UBE2Q1: variants seen among roughly 807,000 people sequenced by gnomAD.
UBE2Q1 encodes ubiquitin conjugating enzyme E2 Q1.
In UBE2Q1, 6 loss-of-function variants were observed where a neutral mutation model predicts 60.1. That is an observed-to-expected ratio of 0.10 (90% CI 0.05 to 0.20). UBE2Q1 has a LOEUF of 0.20. UBE2Q1 is among the 10% of genes least tolerant of loss of function. The pLI, the probability that UBE2Q1 is intolerant of heterozygous loss-of-function variation, is 1.00. For missense variants in UBE2Q1, 262 were observed against 525.8 expected, an observed-to-expected ratio of 0.50 and a Z score of 4.91; for synonymous variants, 226 against 208.3, an observed-to-expected ratio of 1.09 and a Z score of -0.73.
chr1:154,551,455 A>G lies in UBE2Q1; in HGVS notation c.1112T>C (p.Met371Thr). 1 of 1,614,180 alleles carries G rather than the reference A, an allele frequency of 6.2e-7. No individual in the cohort carries two copies. Among genetic ancestry groups the G allele is most frequent in the Non-Finnish European group, 8.5e-7 (1 of 1,180,012 alleles). ...SSAYSIESVI[M>T]QISATLVKGK... ...CTTCACCAGTGTGGCACTGATCTGC[A>G]TGATCACTGACTCTATGGAGTAGGC... is the stretch of plus-strand genomic sequence containing the variant. Residue 371 changes from methionine to threonine, a missense_variant, in exon 11 of 13, where the codon ATG becomes ACG. This residue lies in a region of UBE2Q1 where 22 missense variants were observed against 121.5 expected (regional missense o/e 0.18). Coordinates refer to ENST00000292211, the MANE Select transcript of UBE2Q1 (RefSeq NM_017582.7).
intron 4 of UBE2Q1, 50 bp from the exon 5 acceptor site, chr1:154,553,222 C>T (rs773949603): frequency 3.3e-5 from 53 of 1,586,192 alleles, no homozygotes; most frequent in Non-Finnish European, 4.4e-5. Flanking sequence ...AAAACCGACA[C>T]AGGTTAGAGA....
Position 154,558,510 on chromosome 1 carries a change from C to T in UBE2Q1, c.44G>A (p.Gly15Glu). The T allele has an allele frequency of 8.6e-7, 1 of 1,156,340 alleles. No individual in the cohort carries two copies. Among genetic ancestry groups the T allele is most frequent in the East Asian group, 4.4e-5 (1 of 22,580 alleles). 71.6% of individuals were successfully genotyped at this position (1,156,340 alleles called of 1,614,324 possible). ...QPQGQQQPGP[G>E]QQLGGQGAAP... ...CGCCCCCTGGCCCCCCAGCTGCTGC[C>T]CCGGCCCCGGCTGCTGCTGCCCCTG... Residue 15 changes from glycine (G) to glutamate (E), a missense_variant, in exon 1 of 13, where the codon GGG becomes GAG. By Grantham distance (98) the Gly-to-Glu change is moderately conservative (BLOSUM62 -2). This residue lies in a region of UBE2Q1 where 70 missense variants were observed against 56.7 expected (regional missense o/e 1.24). Transcript: ENST00000292211.
intron 11 of UBE2Q1, 102 bp downstream of exon 11, chr1:154,551,295 C>T (rs1233853920): frequency 1.6e-6 from 2 of 1,251,048 alleles, no homozygotes; most frequent in African/African-American, 2.9e-5. Flanking sequence ...AGCCCGGGGG[C>T]CTTATGCTCA....
rs372729486 is a variant in UBE2Q1, at chr1:154,558,276, G to T, written c.278C>A (p.Pro93Gln). 154 of 1,576,806 alleles carry T rather than the reference G, an allele frequency of 9.8e-5. No individual in the cohort carries two copies. The South Asian group carries it at 9.8e-4, about 10-fold the overall frequency. Residue 93 changes from proline (P) to glutamine (Q), a missense_variant, in exon 1 of 13, where the codon CCA (proline) becomes CAA (glutamine). This residue lies in a region of UBE2Q1 where 49 missense variants were observed against 32.5 expected (regional missense o/e 1.51). Coordinates refer to ENST00000292211, the MANE Select transcript of UBE2Q1 (RefSeq NM_017582.7). ...AGAAPGPHLP[P>Q]RGSVPGDPVR... ...AGGATCCCCAGGCACCGACCCCCGT[G>T]GGGGGAGATGCGGTCCGGGCGCGGC... is the stretch of plus-strand genomic sequence containing the variant.
chr1:154,555,843 C>T lies in UBE2Q1; in HGVS notation c.432+17G>A. ...CTCATAAGAACAAAATGTACCCCTACCCTGTGGCCCCCTCACCAGAGTATT... is the reference window on the plus strand; with the variant it reads ...CTCATAAGAACAAAATGTACCCCTATCCTGTGGCCCCCTCACCAGAGTATT... On this transcript the variant is annotated intron_variant, in intron 2 of 12. Transcript: ENST00000292211. 4 of 1,610,362 alleles carry T rather than the reference C, an allele frequency of 2.5e-6. No homozygotes were observed. Among genetic ancestry groups the T allele is most frequent in the African/African-American group, 1.3e-5 (1 of 74,938 alleles).
chr1:154,550,985 C>G lies in UBE2Q1; in HGVS notation c.1190G>C (p.Arg397Thr). 6.2e-7 allele frequency: 1 copy of G among 1,614,048 alleles called. No individual in the cohort carries two copies. Among genetic ancestry groups the G allele is most frequent in the Non-Finnish European group, 8.5e-7 (1 of 1,179,994 alleles). ...GANKSQYSLTRAQQSYKSLVQ... is the reference protein window; with the variant it reads ...GANKSQYSLTTAQQSYKSLVQ... ...CAAGGACTTGTAGGACTGCTGTGCT[C>G]TTGTCAGACTGTATTGAGACTGGGG... The change falls in exon 12 of 13, where the codon AGA becomes ACA. Residue 397 changes from arginine (R) to threonine (T), a missense_variant. This residue lies in a region of UBE2Q1 where 22 missense variants were observed against 121.5 expected (regional missense o/e 0.18). Transcript: ENST00000292211.
In UBE2Q1 at chr1:154,558,543, GGCTGCT is replaced by G; in HGVS notation, c.5_10del (p.Gln2_Gln3del). 1 of 1,078,858 alleles carries G rather than the reference GGCTGCT, an allele frequency of 9.3e-7. No homozygotes were observed. Among genetic ancestry groups the G allele is most frequent in the Non-Finnish European group, 1.1e-6 (1 of 898,978 alleles). The allele number at this position is 1,078,858 out of a possible 1,614,324, so 66.8% of individuals were successfully genotyped here. ...CGGCTGCTGCTGCCCCTGCGGCTGC[GGCTGCT>G]GCATCCTCCGCTCCGCTCCGCTCCG... is the stretch of plus-strand genomic sequence containing the variant. On this transcript the variant is annotated inframe_deletion, in exon 1 of 13. Transcript: ENST00000292211.
chr1:154,551,522 G>GT, intron 10 of UBE2Q1, 30 bp from the exon 11 acceptor site: 1 of 1,606,886 alleles, frequency 6.2e-7, no homozygotes, highest in Non-Finnish European at 8.5e-7. Context: ...AGGCAAGCAG[G>GT]TCCAGATGGA....
intron 4 of UBE2Q1, 146 bp downstream of exon 4, chr1:154,554,589 C>T: frequency 1.2e-6 from 1 of 846,476 alleles, no homozygotes; most frequent in Non-Finnish European, 1.8e-6. Flanking sequence ...CTCTACTACA[C>T]TGGCTATTCC....
rs878962633 is a variant in UBE2Q1, at chr1:154,551,666, A to G, written c.1074+105T>C. 1.0e-5 allele frequency: 16 copies of G among 1,533,990 alleles called. No homozygotes were observed. In the South Asian group the frequency reaches 1.6e-4, roughly 15 times the overall value. Reference sequence around the variant, plus strand: ...GGTGCAGACCCAGCCCAGCAGAATGAAAGGGCCACATCATGTCTATCACCC... The same window carrying G: ...GGTGCAGACCCAGCCCAGCAGAATGGAAGGGCCACATCATGTCTATCACCC... On this transcript the variant is annotated intron_variant, in intron 10 of 12. Coordinates refer to ENST00000292211, the MANE Select transcript of UBE2Q1 (RefSeq NM_017582.7).
chr1:154,555,029 C>T (rs1695858679), intron 3 of UBE2Q1: 2 of 541,404 alleles, frequency 3.7e-6, no homozygotes. Flanking sequence ...GTCTCTGTCA[C>T]CCACCTCCTA....
At position 154,552,110 on chromosome 1, in the gene UBE2Q1, G is replaced by A. The variant is rs1217405716; in HGVS notation, c.949C>T (p.Leu317Phe). The A allele has an allele frequency of 4.3e-6, 7 of 1,614,132 alleles. No individual in the cohort carries two copies. The highest frequency in any genetic ancestry group is 5.9e-6 in the Non-Finnish European group (7 of 1,180,044). ...AGTCTTACTTTAAAGGAAAAGTTAA[G>A]TAGAATGAAGTCGGCTCCTTCTTTC... Reference protein sequence around the residue: ...KEKEGADFILLNFSFKDNFPF... With the variant: ...KEKEGADFILFNFSFKDNFPF... The change falls in exon 8 of 13, where the codon CTT (leucine) becomes TTT (phenylalanine). Residue 317 changes from leucine (L) to phenylalanine (F), a missense_variant. By Grantham distance (22) the Leu-to-Phe change is conservative. Coordinates refer to ENST00000292211, the MANE Select transcript of UBE2Q1 (RefSeq NM_017582.7).
At chr1:154,551,115 G>A (rs541302141) in intron 11 of UBE2Q1, 111 bp from the exon 12 acceptor site, 1 of 1,240,204 alleles carries the variant, frequency 8.1e-7, no homozygotes, top group African/African-American at 1.5e-5. Flanking sequence ...CCAGCACTGT[G>A]GTCTAGTAAA....
intron 10 of UBE2Q1, 67 bp from the exon 11 acceptor site, chr1:154,551,559 C>G (rs1695790575): frequency 6.4e-7 from 1 of 1,556,596 alleles, no homozygotes; most frequent in South Asian, 1.1e-5. Context: ...CATGCTTGTC[C>G]TCTGGGCAAT....
At chr1:154,554,562 T>C (rs944940733) in intron 4 of UBE2Q1, 173 bp downstream of exon 4, 4 of 620,578 alleles carry the variant, frequency 6.4e-6, no homozygotes, top group African/African-American at 3.7e-5. Context: ...AGTGGTTGGA[T>C]ATGGGTGCCC....
In UBE2Q1 at chr1:154,550,244, A is replaced by T; in HGVS notation, c.*194T>A. 1.3e-6 allele frequency: 1 copy of T among 764,518 alleles called. No homozygotes were observed. The allele number at this position is 764,518 out of a possible 1,614,324, so 47.4% of individuals were successfully genotyped here. On this transcript the variant is annotated 3_prime_UTR_variant, in exon 13 of 13. Transcript: ENST00000292211. The stretch of plus-strand genomic sequence containing the variant: ...GTTGGTCTGTAAGTCAGTCTTGAGT[A>T]CTTGAAACAGTTCTGTGTTTGTTTT...
chr1:154,553,135 T>G lies in UBE2Q1; in HGVS notation c.626A>C (p.Glu209Ala), dbSNP rs142718155. 6.2e-7 allele frequency: 1 copy of G among 1,613,702 alleles called. No individual in the cohort carries two copies. The highest frequency in any genetic ancestry group is 1.3e-5 in the African/African-American group (1 of 74,920). ...EDLDHYEMKE[E>A]EPAEGKKSED... ...AGATTTCTTGCCCTCAGCTGGCTCTTCCTCTTTCATTTCATAGTGATCTAA... is the reference window on the plus strand; with the variant it reads ...AGATTTCTTGCCCTCAGCTGGCTCTGCCTCTTTCATTTCATAGTGATCTAA... Residue 209 changes from glutamate to alanine, a missense_variant, in exon 5 of 13, where the codon GAA becomes GCA. Glu to Ala is a moderately radical substitution (Grantham distance 107). Around this residue, in one of 5 missense-constraint regions of UBE2Q1, gnomAD observed 111 missense variants for 266.8 expected, o/e 0.42. Transcript: ENST00000292211.
chr1:154,550,496 G>T (rs571754853), intron 12 of UBE2Q1, 27 bp from the exon 13 acceptor site: 1 of 1,613,732 alleles, frequency 6.2e-7, no homozygotes, highest in Non-Finnish European at 8.5e-7. Context: ...TGGTCAGTGA[G>T]GTGAAGGTTC....
rs1557843824 is a variant in UBE2Q1 at position 154,549,474 on chromosome 1, A to G, written c.*964T>C. 1 of 152,634 alleles carries G rather than the reference A, an allele frequency of 6.6e-6. No homozygotes were observed. Among genetic ancestry groups the G allele is most frequent in the East Asian group, 1.9e-4 (1 of 5,204 alleles). 9.5% of individuals were successfully genotyped at this position (152,634 alleles called of 1,614,324 possible). On this transcript the variant is annotated 3_prime_UTR_variant, in exon 13 of 13. Transcript: ENST00000292211. ...GGGAGGTGAGCAAAGCTTACCAATG[A>G]TCACCATCCAGTGCTGGTTAGAAGC...
Sources: gnomAD v4.1 joint callset for allele counts on GRCh38, gnomAD v4.1.1 for gene constraint, gnomAD v4.1.1 regional missense constraint, MANE v1.5 for transcripts, NCBI Gene and HGNC (gene_info 2026-07-23, HGNC 2026-07-21) for gene names.